Variants in SMCHD1 observed in about 807,000 individuals in gnomAD.
SMCHD1 encodes structural maintenance of chromosomes flexible hinge domain-containing protein 1.
In SMCHD1, 78 loss-of-function variants were observed where a neutral mutation model predicts 254.7. That is an observed-to-expected ratio of 0.31 (90% confidence interval 0.26 to 0.37). The LOEUF (loss-of-function observed/expected upper bound fraction) is 0.37. Ranked by LOEUF, SMCHD1 falls within the 10% of genes least tolerant of loss-of-function variation. The probability of loss-of-function intolerance (pLI) is 1.00; values close to 1 mark genes in which losing one functional copy is unlikely to be tolerated. For synonymous variants in SMCHD1, 766 were observed against 794.9 expected (o/e 0.96, Z 0.61); for missense variants, 1,840 against 2,408.1 (o/e 0.76, Z 4.94).
At position 2,762,085 on chromosome 18, in the gene SMCHD1, T is replaced by C. The variant is rs771255131; in HGVS notation, c.4435-20T>C. On this transcript the variant is annotated intron_variant, in intron 35 of 47. Coordinates refer to ENST00000320876, the MANE Select transcript of SMCHD1 (RefSeq NM_015295.3). Reference sequence around the variant, plus strand: ...AGCATCAATATATTGTTAATCAGAATGTCTCTTTTGTTTTGTAAGGTTATA... The same window carrying C: ...AGCATCAATATATTGTTAATCAGAACGTCTCTTTTGTTTTGTAAGGTTATA... 6.2e-7 allele frequency: 1 copy of C among 1,609,192 alleles called. No individual in the cohort carries two copies. The highest frequency in any genetic ancestry group is 8.5e-7 in the Non-Finnish European group (1 of 1,176,284).
chr18:2,765,163 A>G (rs1321243018), intron 37 of SMCHD1, among the ~76,000 whole-genome samples: 9 of 152,114 alleles, frequency 5.9e-5, no homozygotes, highest in Non-Finnish European at 1.2e-4. Flanking sequence ...GCTCTTTGGT[A>G]TATAAGTACT....
intron 10 of SMCHD1, 147 bp from the exon 11 acceptor site, chr18:2,700,392 A>G: frequency 2.5e-6 from 2 of 811,256 alleles, no homozygotes; most frequent in South Asian, 3.9e-5. Context: ...ATGTGGAACC[A>G]CTTTGTAAAC....
chr18:2,698,083 A>G (rs2143156137), intron 10 of SMCHD1, 42 bp downstream of exon 10: 1 of 1,446,526 alleles, frequency 6.9e-7, no homozygotes, highest in Non-Finnish European at 9.6e-7. Context: ...ATGAAGTTGT[A>G]ATTTAGGACA....
chr18:2,777,061 C>A (rs74982722), intron 42 of SMCHD1, among the ~76,000 whole-genome samples: 1 of 32,126 alleles, frequency 3.1e-5, no homozygotes, highest in Non-Finnish European at 1.3e-4. Context: ...GCACCACCAC[C>A]TCCCCCCCCC....
chr18:2,725,154 T>A (rs1032789186), intron 21 of SMCHD1, among the ~76,000 whole-genome samples, 159 bp downstream of exon 21: 2 of 152,112 alleles, frequency 1.3e-5, no homozygotes, highest in Non-Finnish European at 2.9e-5. Context: ...ACCTGACTTA[T>A]CAGTTACATC....
At chr18:2,691,623 A>G (rs1201841909) in intron 7 of SMCHD1, 3 of 152,262 alleles carry the variant, frequency 2.0e-5, no homozygotes, top group African/African-American at 4.8e-5. Flanking sequence ...GAAACAGACC[A>G]TCCTGGGCCT....
intron 37 of SMCHD1, 185 bp downstream of exon 37, chr18:2,763,974 G>A: frequency 1.9e-6 from 1 of 525,246 alleles, no homozygotes; most frequent in Non-Finnish European, 3.2e-6. Flanking sequence ...TTATAAGTAA[G>A]ACTCTCGTTT....
rs370984329 is a variant in SMCHD1 at position 2,777,938 on chromosome 18, T to G, written c.5476+23T>G. 159 of 1,356,168 alleles carry G rather than the reference T, an allele frequency of 1.2e-4. No homozygotes were observed. The African/African-American group carries it at 1.8e-3, about 15-fold the overall frequency. 84.0% of individuals were successfully genotyped at this position (1,356,168 alleles called of 1,614,324 possible). On this transcript the variant is annotated intron_variant, in intron 43 of 47. Transcript: ENST00000320876. ...CAGGTAAAAGACATTATGGTGACTT[T>G]ACTTTTGTACAGATGTTAAATTTGT...
rs562244344 is a variant in SMCHD1, at chr18:2,690,719, G to A, written c.873+1972G>A. On this transcript the variant is annotated intron_variant, in intron 7 of 47. Transcript: ENST00000320876. Reference sequence around the variant, plus strand: ...GACTGGTCTCAAACTCCTGACCTCAGGCAGTCCGCCCACCTCGGCCTCCCA... The same window carrying A: ...GACTGGTCTCAAACTCCTGACCTCAAGCAGTCCGCCCACCTCGGCCTCCCA... 4.6e-5 allele frequency among the ~76,000 whole-genome samples: 7 copies of A among 150,582 alleles called. No homozygotes were observed. In the South Asian group the frequency reaches 1.5e-3, roughly 32 times the overall value.
intron 37 of SMCHD1, among the ~76,000 whole-genome samples, chr18:2,766,770 A>G (rs1185903355): frequency 1.3e-5 from 2 of 152,200 alleles, no homozygotes; most frequent in East Asian, 3.8e-4. Flanking sequence ...TCATTCTGAT[A>G]TGCATTTGTT....
At chr18:2,690,969 A>C (rs1393376900) in intron 7 of SMCHD1, among the ~76,000 whole-genome samples, 1 of 151,982 alleles carries the variant, frequency 6.6e-6, no homozygotes, top group Admixed American at 6.6e-5. Flanking sequence ...AAAAAAAAAA[A>C]AAAAACCTTT....
intron 8 of SMCHD1, among the ~76,000 whole-genome samples, chr18:2,695,127 A>G (rs2074259035): frequency 6.6e-6 from 1 of 152,096 alleles, no homozygotes; most frequent in African/African-American, 2.4e-5. Context: ...TAGATGCTCA[A>G]ATGTTTATCA....
intron 8 of SMCHD1, among the ~76,000 whole-genome samples, chr18:2,695,080 A>G (rs952538912): frequency 1.3e-5 from 2 of 151,894 alleles, no homozygotes; most frequent in African/African-American, 4.8e-5. Flanking sequence ...TCACTGCTGT[A>G]TCTCCAATGT....
At chr18:2,787,486 T>A (rs1238478466) in intron 45 of SMCHD1, among the ~76,000 whole-genome samples, 4 of 152,130 alleles carry the variant, frequency 2.6e-5, no homozygotes, top group African/African-American at 9.7e-5. Context: ...TACTTCTGTT[T>A]ATGACATCAG....
At chr18:2,790,949 G>A (rs556842318) in intron 45 of SMCHD1, among the ~76,000 whole-genome samples, 2 of 152,084 alleles carry the variant, frequency 1.3e-5, no homozygotes, top group Non-Finnish European at 2.9e-5. Context: ...ATAAGAATTG[G>A]AAAGGAAATA....
chr18:2,712,430 A>G (rs1236972738), intron 17 of SMCHD1, among the ~76,000 whole-genome samples: 1 of 152,208 alleles, frequency 6.6e-6, no homozygotes, highest in Non-Finnish European at 1.5e-5. Context: ...GACCGTTGAA[A>G]AACATGGGTT....
chr18:2,695,309 A>ATTTTT (rs35253416), intron 8 of SMCHD1, among the ~76,000 whole-genome samples: 1 of 140,720 alleles, frequency 7.1e-6, no homozygotes, highest in Admixed American at 7.1e-5. Flanking sequence ...CTAAAAAAAA[A>ATTTTT]TTTTTTTTTT....
chr18:2,738,637 T>A, intron 26 of SMCHD1, 92 bp downstream of exon 26: 1 of 1,085,966 alleles, frequency 9.2e-7, no homozygotes, highest in Non-Finnish European at 1.3e-6. Context: ...GTAAAAATAT[T>A]ACGGTTTCTA....
chr18:2,769,975 A>AT lies in SMCHD1; in HGVS notation c.4847-6dup, dbSNP rs763328487. 7.6e-6 allele frequency: 12 copies of AT among 1,570,494 alleles called. No homozygotes were observed. Among genetic ancestry groups the AT allele is most frequent in the African/African-American group, 2.8e-5 (2 of 72,218 alleles). ...TTTTTAAATTATTTAAATTATCTCA[A>AT]TTTTTTTTCTTAGATGTTAAGAAGC... On this transcript the variant is annotated splice_polypyrimidine_tract_variant and intron_variant, in intron 38 of 47. Coordinates refer to ENST00000320876, the MANE Select transcript of SMCHD1 (RefSeq NM_015295.3).
Sources: allele counts gnomAD v4.1 joint callset (sites outside exome capture counted in the v4.1 genomes callset), GRCh38; gene constraint gnomAD v4.1.1; transcripts MANE v1.5; gene names NCBI Gene and HGNC (gene_info 2026-07-23, HGNC 2026-07-21).